Variants in UCHL3 observed in about 807,000 individuals in gnomAD.
UCHL3 encodes ubiquitin carboxyl-terminal hydrolase isozyme L3.
Under a neutral mutation model 35.8 loss-of-function variants are expected in UCHL3, and 22 were observed. The observed-to-expected ratio is 0.61, with a 90% CI of 0.44 to 0.88. UCHL3 has a LOEUF of 0.88. Among genes scored for constraint, UCHL3 ranks in the 40% least tolerant of loss-of-function variants. The probability of loss-of-function intolerance (pLI) is 0.00; values close to 1 mark genes in which losing one functional copy is unlikely to be tolerated. For missense variants in UCHL3, 229 were observed against 276.9 expected, an observed-to-expected ratio of 0.83 and a Z score of 1.23; for synonymous variants, 90 against 92.8, an observed-to-expected ratio of 0.97 and a Z score of 0.17.
intron 6 of UCHL3, among the ~76,000 whole-genome samples, chr13:75,593,455 A>C (rs937488075): frequency 6.6e-6 from 1 of 152,206 alleles, no homozygotes; most frequent in African/African-American, 2.4e-5. Flanking sequence ...AGATGATGGA[A>C]AATACAAGGA....
intron 6 of UCHL3, among the ~76,000 whole-genome samples, chr13:75,593,096 G>A (rs1593761239): frequency 6.6e-6 from 1 of 152,232 alleles, no homozygotes; most frequent in East Asian, 1.9e-4. Flanking sequence ...AGAAGAGATG[G>A]TGTTAAGGTA....
At chr13:75,590,160 C>T in intron 6 of UCHL3, 1 of 1,284,012 alleles carries the variant, frequency 7.8e-7, no homozygotes, top group South Asian at 1.3e-5. Flanking sequence ...GTCTCTTCTT[C>T]CAGTGACAAG....
At chr13:75,563,704 T>C (rs1423921981) in intron 3 of UCHL3, among the ~76,000 whole-genome samples, 1 of 152,210 alleles carries the variant, frequency 6.6e-6, no homozygotes, top group Admixed American at 6.5e-5. Context: ...TTGTTTTTCC[T>C]ATACATCTGC....
chr13:75,569,397 G>C, intron 5 of UCHL3, 63 bp from the exon 6 acceptor site: 1 of 1,340,180 alleles, frequency 7.5e-7, no homozygotes, highest in Non-Finnish European at 1.0e-6. Flanking sequence ...TAGCTTTGTT[G>C]TCTTCATTTA....
At chr13:75,592,833 T>G (rs750526360) in intron 6 of UCHL3, among the ~76,000 whole-genome samples, 14 of 152,122 alleles carry the variant, frequency 9.2e-5, no homozygotes, top group Admixed American at 2.0e-4. Context: ...TCACTACATT[T>G]GGTAATTGCT....
intron 2 of UCHL3, among the ~76,000 whole-genome samples, chr13:75,551,690 TAAA>T (rs2031114665): frequency 6.6e-6 from 1 of 152,144 alleles, no homozygotes; most frequent in South Asian, 2.1e-4. Flanking sequence ...ATCAATAGAC[TAAA>T]AAACAAAACT....
chr13:75,595,581 G>A (rs902554079), intron 7 of UCHL3, among the ~76,000 whole-genome samples: 8 of 108,506 alleles, frequency 7.4e-5, no homozygotes, highest in Non-Finnish European at 1.7e-5. Flanking sequence ...GGGGCAACAG[G>A]AGTGATACTC....
chr13:75,557,071 T>G (rs2031316738), intron 2 of UCHL3, among the ~76,000 whole-genome samples: 1 of 152,066 alleles, frequency 6.6e-6, no homozygotes, highest in Admixed American at 6.6e-5. Flanking sequence ...AAAATTTAGC[T>G]GGCTGTGATG....
intron 6 of UCHL3, among the ~76,000 whole-genome samples, chr13:75,588,204 A>G (rs550662461): frequency 1.2e-4 from 19 of 152,230 alleles, no homozygotes; most frequent in Non-Finnish European, 2.5e-4. Context: ...TTCTTTGCCA[A>G]GAATATTTTC....
intron 7 of UCHL3, among the ~76,000 whole-genome samples, chr13:75,598,366 AATT>A (rs1270821752): frequency 6.6e-6 from 1 of 152,214 alleles, no homozygotes; most frequent in Non-Finnish European, 1.5e-5. Context: ...AAAATCAGGA[AATT>A]ATTATAACAT....
intron 6 of UCHL3, among the ~76,000 whole-genome samples, chr13:75,570,256 G>C (rs915856294): frequency 6.7e-6 from 1 of 149,028 alleles, no homozygotes; most frequent in African/African-American, 2.5e-5. Context: ...TGTTTTTTTT[G>C]AGACAGAGTC....
chr13:75,580,743 G>A lies in UCHL3; in HGVS notation c.474+11236G>A, dbSNP rs182538025. On this transcript the variant is annotated intron_variant, in intron 6 of 8. Transcript: ENST00000377595. ...ACCCTAGTTTGATCCTCTCAACTCC[G>A]TAAGATAGCTGTTACCCCATTTTGC... 1.5e-4 allele frequency among the ~76,000 whole-genome samples: 23 copies of A among 152,230 alleles called. No homozygotes were observed. In the East Asian group the frequency reaches 3.9e-3, roughly 26 times the overall value.
At chr13:75,604,000 A>G (rs2032857214) in intron 7 of UCHL3, among the ~76,000 whole-genome samples, 1 of 152,030 alleles carries the variant, frequency 6.6e-6, no homozygotes, top group African/African-American at 2.4e-5. Context: ...CATTTTTTTA[A>G]AAAAAATCTA....
At chr13:75,567,803 C>T (rs2031731711) in intron 5 of UCHL3, among the ~76,000 whole-genome samples, 1 of 152,156 alleles carries the variant, frequency 6.6e-6, no homozygotes, top group African/African-American at 2.4e-5. Flanking sequence ...CCACCTCGGC[C>T]TCCCAAAGTG....
chr13:75,593,285 A>G (rs917328244), intron 6 of UCHL3, among the ~76,000 whole-genome samples: 4 of 152,158 alleles, frequency 2.6e-5, no homozygotes. Flanking sequence ...GTTTAGCCTT[A>G]AAAAATTGGA....
chr13:75,564,173 T>A (rs4885313), intron 3 of UCHL3, among the ~76,000 whole-genome samples: 1 of 150,876 alleles, frequency 6.6e-6, no homozygotes. Flanking sequence ...TTTTTTGAGA[T>A]GGAGTCTCGC....
intron 6 of UCHL3, among the ~76,000 whole-genome samples, chr13:75,589,498 T>C (rs1249985956): frequency 1.3e-5 from 2 of 152,184 alleles, no homozygotes; most frequent in East Asian, 1.9e-4. Context: ...TTTTTTCTTC[T>C]TGGAGCTTAT....
chr13:75,562,880 A>G (rs1417280728), intron 3 of UCHL3, among the ~76,000 whole-genome samples: 1 of 152,188 alleles, frequency 6.6e-6, no homozygotes, highest in Non-Finnish European at 1.5e-5. Flanking sequence ...TACTTATATA[A>G]CTATAATAAC....
chr13:75,605,683 A>T, intron 8 of UCHL3, 46 bp from the exon 9 acceptor site: 1 of 1,566,836 alleles, frequency 6.4e-7, no homozygotes, highest in African/African-American at 1.4e-5. Flanking sequence ...TTTGTAAGTA[A>T]AACACTTTTA....
Sources: gnomAD v4.1 joint callset for allele counts (sites outside exome capture counted in the v4.1 genomes callset) on GRCh38, gnomAD v4.1.1 for gene constraint, MANE v1.5 for transcripts, NCBI Gene and HGNC (gene_info 2026-07-23, HGNC 2026-07-21) for gene names.